Variants in NWD1 observed in about 807,000 individuals in gnomAD.
The protein encoded by NWD1 is NACHT domain- and WD repeat-containing protein 1.
A neutral mutation model predicts 135.1 loss-of-function variants in NWD1; 129 were observed. That is an observed-to-expected ratio of 0.96 (90% CI 0.83 to 1.11). NWD1 has a LOEUF of 1.11. NWD1 is among the 50% of genes least tolerant of loss of function. The probability of loss-of-function intolerance (pLI) is 0.00; values close to 1 mark genes in which losing one functional copy is unlikely to be tolerated. For missense variants in NWD1, 1,740 were observed against 1,851.3 expected (o/e 0.94, Z 1.10); for synonymous variants, 773 against 786.0 (o/e 0.98, Z 0.28).
chr19:16,773,021 T>C, intron 10 of NWD1, 105 bp from the exon 11 acceptor site: 1 of 897,060 alleles, frequency 1.1e-6, no homozygotes, highest in Non-Finnish European at 1.9e-6. Context: ...TGAGGTATTG[T>C]GTCTTCTTTT....
At chr19:16,765,473 A>C (rs1339394081) in intron 10 of NWD1, among the ~76,000 whole-genome samples, 1 of 152,072 alleles carries the variant, frequency 6.6e-6, no homozygotes, top group Non-Finnish European at 1.5e-5. Context: ...AGCTAGGACC[A>C]CAGGTATGCA....
At chr19:16,761,327 T>G (rs1969001151) in intron 7 of NWD1, among the ~76,000 whole-genome samples, 1 of 152,196 alleles carries the variant, frequency 6.6e-6, no homozygotes, top group South Asian at 2.1e-4. Flanking sequence ...AAGGTTTTGT[T>G]TGAACACCTG....
At chr19:16,795,026 C>A (rs904076527) in intron 15 of NWD1, among the ~76,000 whole-genome samples, 1 of 152,212 alleles carries the variant, frequency 6.6e-6, no homozygotes, top group Non-Finnish European at 1.5e-5. Context: ...AGGTGATTCG[C>A]CCACCTTAGC....
At chr19:16,744,351 T>C (rs1429985182) in intron 4 of NWD1, 70 bp from the exon 5 acceptor site, 5 of 1,396,900 alleles carry the variant, frequency 3.6e-6, no homozygotes, top group Non-Finnish European at 4.9e-6. Flanking sequence ...CACTCCAGCC[T>C]GGGCGACAGA....
At position 16,791,322 on chromosome 19, in the gene NWD1, T is replaced by A. The variant is rs138418866; in HGVS notation, c.2941-28T>A. 408 of 1,602,930 alleles carry A rather than the reference T, an allele frequency of 2.5e-4. 1 individual carries two copies. The African/African-American group carries it at 4.7e-3, about 18-fold the overall frequency. On this transcript the variant is annotated intron_variant, in intron 13 of 18. Transcript: ENST00000524140. ...TTGTAGTCTAGGTCTCCTGCCAAGA[T>A]GCTGCTTCCTCTTCATTATTCTATT...
At chr19:16,731,533 T>G (rs1568334124) in intron 3 of NWD1, among the ~76,000 whole-genome samples, 1 of 151,548 alleles carries the variant, frequency 6.6e-6, no homozygotes, top group Non-Finnish European at 1.5e-5. Context: ...TCTTGATCTC[T>G]TGACCTTGTG....
At chr19:16,812,645 G>C in intron 18 of NWD1, 1 of 743,432 alleles carries the variant, frequency 1.3e-6, no homozygotes, top group Non-Finnish European at 2.5e-6. Flanking sequence ...CTCCAGCCTG[G>C]GCAACAAGAG....
chr19:16,731,288 A>T lies in NWD1; in HGVS notation c.81+10A>T. On this transcript the variant is annotated intron_variant, in intron 3 of 18. Transcript: ENST00000524140. The stretch of plus-strand genomic sequence containing the variant: ...CGGCTTGATGTTTGAGGTAACTGGA[A>T]GTCACTCCGGGCTCCATGCTTTTTT... 1 of 1,486,290 alleles carries T rather than the reference A, an allele frequency of 6.7e-7. No homozygotes were observed. The highest frequency in any genetic ancestry group is 9.1e-7 in the Non-Finnish European group (1 of 1,101,822). 92.1% of individuals were successfully genotyped at this position (1,486,290 alleles called of 1,614,324 possible).
intron 3 of NWD1, among the ~76,000 whole-genome samples, chr19:16,734,266 T>C (rs1021353899): frequency 6.6e-6 from 1 of 152,126 alleles, no homozygotes; most frequent in Non-Finnish European, 1.5e-5. Context: ...AAAGCTTTTC[T>C]GTCAGGGCGA....
Position 16,749,993 on chromosome 19 carries a change from G to A in NWD1, c.1351G>A (p.Val451Ile). ...DLDSVRHARRVPWLPLNCPPR... is the reference protein window; with the variant it reads ...DLDSVRHARRIPWLPLNCPPR... ...GGACTCTGTCCGCCATGCTCGGAGG[G>A]TTCCCTGGCTGCCTCTCAACTGCCC... The change falls in exon 6 of 19, where the codon GTT (valine) becomes ATT (isoleucine). Residue 451 changes from valine to isoleucine, a missense_variant. Coordinates refer to ENST00000524140, the MANE Select transcript of NWD1 (RefSeq NM_001007525.5). The A allele has an allele frequency of 6.2e-7, 1 of 1,613,872 alleles. No individual in the cohort carries two copies.
chr19:16,721,808 G>A (rs1202743916), intron 1 of NWD1, among the ~76,000 whole-genome samples: 3 of 152,074 alleles, frequency 2.0e-5, no homozygotes, highest in Non-Finnish European at 4.4e-5. Context: ...GGCCTTTACT[G>A]CTGAGAAAAT....
intron 4 of NWD1, among the ~76,000 whole-genome samples, chr19:16,737,782 GGCAACATA>G (rs2122732826): frequency 6.6e-6 from 1 of 151,772 alleles, no homozygotes; most frequent in Non-Finnish European, 1.5e-5. Context: ...GACCAGCCTG[GGCAACATA>G]GTGAAGTCCC....
chr19:16,759,040 G>C (rs1776419372), intron 6 of NWD1, among the ~76,000 whole-genome samples, 185 bp from the exon 7 acceptor site: 1 of 148,560 alleles, frequency 6.7e-6, no homozygotes, highest in Admixed American at 6.8e-5. Context: ...AATCGGAAAA[G>C]GTCTTCCTTG....
In NWD1 at chr19:16,763,869, C is replaced by T. The variant is rs781681267; in HGVS notation, c.2175C>T (p.Asn725=). The T allele has an allele frequency of 1.9e-6, 3 of 1,614,016 alleles. No individual in the cohort carries two copies. The highest frequency in any genetic ancestry group is 2.5e-6 in the Non-Finnish European group (3 of 1,179,950). Residue 725 remains asparagine, a synonymous_variant, in exon 9 of 19, where the codon AAC becomes AAT. Transcript: ENST00000524140. The part of the protein sequence containing the change: ...QPLWFSHTVA[N]LRKLKELPYH... ...TGTGGTTCTCACATACGGTTGCAAA[C>T]CTGCGGAAGCTGAAGGAGTTGCCCT... is the stretch of plus-strand genomic sequence containing the variant.
chr19:16,723,221 T>C (rs1276078037), intron 1 of NWD1, among the ~76,000 whole-genome samples: 1 of 152,008 alleles, frequency 6.6e-6, no homozygotes, highest in Non-Finnish European at 1.5e-5. Flanking sequence ...GTTGTTGAGA[T>C]AGGGTCTCGC....
chr19:16,815,460 G>C lies in NWD1; in HGVS notation c.*421G>C. ...CCCATGGCTTCAGATTATGGCTTCA[G>C]ACCTTGTCTCTTCTCATCTTTCCAT... is the stretch of plus-strand genomic sequence containing the variant. On this transcript the variant is annotated 3_prime_UTR_variant, in exon 19 of 19. Coordinates refer to ENST00000524140, the MANE Select transcript of NWD1 (RefSeq NM_001007525.5). 2 of 592,304 alleles carry C rather than the reference G, an allele frequency of 3.4e-6. No homozygotes were observed. The highest frequency in any genetic ancestry group is 3.0e-6 in the Non-Finnish European group (1 of 334,818). The allele number at this position is 592,304 out of a possible 1,614,324, so 36.7% of individuals were successfully genotyped here. A position where few individuals can be genotyped will look rare whatever the true frequency, so the allele number is the denominator to read the frequency against.
chr19:16,786,639 C>G (rs1453854063), intron 12 of NWD1, among the ~76,000 whole-genome samples: 4 of 152,048 alleles, frequency 2.6e-5, no homozygotes, highest in Non-Finnish European at 4.4e-5. Context: ...CTCTGCTTCC[C>G]AGGTTCAAGC....
At position 16,807,991 on chromosome 19, in the gene NWD1, C is replaced by G; in HGVS notation, c.4142C>G (p.Ala1381Gly). The change falls in exon 18 of 19, where the codon GCG (alanine) becomes GGG (glycine). Residue 1381 changes from alanine (A) to glycine (G), a missense_variant. By Grantham distance (60) the Ala-to-Gly change is moderately conservative (BLOSUM62 0). Coordinates refer to ENST00000524140, the MANE Select transcript of NWD1 (RefSeq NM_001007525.5). ...CTTTACGAGTGTGCAACTTCCAAAGCGTTTCCCTTGGAGACCCACAGGAGC... is the reference window on the plus strand; with the variant it reads ...CTTTACGAGTGTGCAACTTCCAAAGGGTTTCCCTTGGAGACCCACAGGAGC... ...LFLYECATSK[A>G]FPLETHRSRV... is the part of the protein sequence containing the mutation. 6.2e-7 allele frequency: 1 copy of G among 1,614,144 alleles called. No individual in the cohort carries two copies. The highest frequency in any genetic ancestry group is 8.5e-7 in the Non-Finnish European group (1 of 1,180,032).
At chr19:16,769,365 G>C (rs1192299137) in intron 10 of NWD1, among the ~76,000 whole-genome samples, 2 of 151,972 alleles carry the variant, frequency 1.3e-5, no homozygotes, top group Non-Finnish European at 2.9e-5. Context: ...GGGAGGCTGA[G>C]GCAGGAGAAT....
Sources: gnomAD v4.1 joint callset for allele counts (sites outside exome capture counted in the v4.1 genomes callset) on GRCh38, gnomAD v4.1.1 for gene constraint, MANE v1.5 for transcripts, NCBI Gene and HGNC (gene_info 2026-07-23, HGNC 2026-07-21) for gene names.